Variants in JARID2 observed in about 807,000 individuals in gnomAD.
The protein encoded by JARID2 is protein Jumonji.
In JARID2, 21 loss-of-function variants were observed where a neutral mutation model predicts 125.6. That is an observed-to-expected ratio of 0.17 (90% confidence interval 0.12 to 0.24). The LOEUF is 0.24. Ranked by LOEUF, JARID2 falls within the 10% of genes least tolerant of loss-of-function variation. The probability of loss-of-function intolerance (pLI) is 1.00; values close to 1 mark genes in which losing one functional copy is unlikely to be tolerated. For synonymous variants in JARID2, 736 were observed against 661.6 expected (o/e 1.11, Z -1.73); for missense variants, 1,303 against 1,639.6 (o/e 0.79, Z 3.55).
At chr6:15,514,084 G>T (rs1239019946) in intron 16 of JARID2, among the ~76,000 whole-genome samples, 1 of 152,218 alleles carries the variant, frequency 6.6e-6, no homozygotes, top group Admixed American at 6.5e-5. Flanking sequence ...CAGCTTTGGG[G>T]TTAATACCAA....
intron 2 of JARID2, among the ~76,000 whole-genome samples, chr6:15,377,137 GA>G (rs1158599018): frequency 1.3e-5 from 2 of 152,172 alleles, no homozygotes; most frequent in Non-Finnish European, 2.9e-5. Context: ...AGTGGGAGTG[GA>G]AGCAGGGTGT....
At chr6:15,381,938 T>C (rs1764604805) in intron 2 of JARID2, among the ~76,000 whole-genome samples, 1 of 152,222 alleles carries the variant, frequency 6.6e-6, no homozygotes, top group Non-Finnish European at 1.5e-5. Flanking sequence ...GAAAAATAGA[T>C]GCAACTTAAA....
chr6:15,381,227 C>G (rs12665292), intron 2 of JARID2, among the ~76,000 whole-genome samples: 1 of 148,026 alleles, frequency 6.8e-6, no homozygotes. Flanking sequence ...GGCGTGGTGG[C>G]GGGTGCCTGT....
chr6:15,266,290 A>C (rs1476744373), intron 1 of JARID2, among the ~76,000 whole-genome samples: 1 of 152,206 alleles, frequency 6.6e-6, no homozygotes, highest in Non-Finnish European at 1.5e-5. Flanking sequence ...AGTATATTTT[A>C]ACTATTAGTT....
At chr6:15,461,741 CA>C (rs1041266471) in intron 4 of JARID2, among the ~76,000 whole-genome samples, 8 of 152,124 alleles carry the variant, frequency 5.3e-5, no homozygotes, top group Non-Finnish European at 1.0e-4. Context: ...TGTTTGGAGC[CA>C]TAAAAATGTT....
intron 6 of JARID2, among the ~76,000 whole-genome samples, chr6:15,492,457 G>A (rs904987292): frequency 2.0e-5 from 3 of 152,164 alleles, no homozygotes; most frequent in Non-Finnish European, 4.4e-5. Context: ...GTGGGTTGAG[G>A]GAGACCTTCG....
chr6:15,322,586 T>TA lies in JARID2; in HGVS notation c.46-51530dup, dbSNP rs1762395991. Among the ~76,000 whole-genome samples the TA allele has an allele frequency of 1.3e-5, 2 of 152,176 alleles. 1 individual carries two copies. The highest frequency in any genetic ancestry group is 4.1e-4 in the South Asian group (2 of 4,826). On this transcript the variant is annotated intron_variant, in intron 1 of 17. Transcript: ENST00000341776. ...GAGTTTTAATGACATGAGAAATGCT[T>TA]AGATTTCAGGGATTTGACTAAACCC... is the stretch of plus-strand genomic sequence containing the variant.
chr6:15,436,338 G>A (rs953257384), intron 3 of JARID2, among the ~76,000 whole-genome samples: 2 of 152,220 alleles, frequency 1.3e-5, no homozygotes, highest in African/African-American at 2.4e-5. Context: ...GAGGCGGGCT[G>A]CACGCTGGTC....
chr6:15,381,202 A>G (rs1764569854), intron 2 of JARID2, among the ~76,000 whole-genome samples: 1 of 151,276 alleles, frequency 6.6e-6, no homozygotes. Context: ...AAATACAAAA[A>G]AAAAAAATTA....
At chr6:15,346,922 G>A (rs1763262380) in intron 1 of JARID2, among the ~76,000 whole-genome samples, 1 of 151,940 alleles carries the variant, frequency 6.6e-6, no homozygotes, top group Non-Finnish European at 1.5e-5. Flanking sequence ...TTTTAGTAGA[G>A]ACAGGGTTTC....
chr6:15,440,292 A>AT (rs1266842643), intron 3 of JARID2, among the ~76,000 whole-genome samples: 1 of 152,214 alleles, frequency 6.6e-6, no homozygotes, highest in East Asian at 1.9e-4. Context: ...TCCTTGGCTG[A>AT]TAAAAACTGG....
chr6:15,312,298 C>T (rs1762041149), intron 1 of JARID2, among the ~76,000 whole-genome samples: 1 of 152,194 alleles, frequency 6.6e-6, no homozygotes, highest in Admixed American at 6.5e-5. Context: ...CGTGATCCAC[C>T]CGCCTCGGCC....
intron 9 of JARID2, among the ~76,000 whole-genome samples, chr6:15,505,877 C>T (rs1268692255): frequency 6.6e-6 from 1 of 152,254 alleles, no homozygotes; most frequent in Non-Finnish European, 1.5e-5. Flanking sequence ...GTAGAGATGT[C>T]AGGCGGAGGA....
intron 1 of JARID2, among the ~76,000 whole-genome samples, chr6:15,321,810 T>G (rs1762368376): frequency 2.2e-5 from 2 of 91,042 alleles, no homozygotes; most frequent in Admixed American, 1.2e-4. Flanking sequence ...TTTTTTTTTT[T>G]GAGATGGAGT....
intron 1 of JARID2, among the ~76,000 whole-genome samples, chr6:15,361,335 A>C (rs1372410134): frequency 2.6e-5 from 4 of 152,162 alleles, no homozygotes; most frequent in Non-Finnish European, 4.4e-5. Context: ...CACTGCAGTC[A>C]GTGCTCAAAG....
chr6:15,410,399 C>T (rs1474756746), intron 3 of JARID2, 34 bp downstream of exon 3: 1 of 1,600,302 alleles, frequency 6.2e-7, no homozygotes, highest in East Asian at 2.2e-5. Context: ...TTGGTACCTT[C>T]AACCAGGGAC....
In JARID2 at chr6:15,487,335, G is replaced by C. The variant is rs1160222215; in HGVS notation, c.699G>C (p.Arg233=). 1.2e-6 allele frequency: 2 copies of C among 1,614,028 alleles called. No homozygotes were observed. Among genetic ancestry groups the C allele is most frequent in the African/African-American group, 2.7e-5 (2 of 74,918 alleles). ...TCAATGGTTCCAGCAGGTCAACACG[G>C]GAGAAGGAACCTGTTCAAAAACACA... ...HVFNGSSRST[R]EKEPVQKHKS... The change falls in exon 6 of 18, where the codon CGG becomes CGC. Residue 233 remains arginine (R), a synonymous_variant. Transcript: ENST00000341776.
At chr6:15,486,378 A>G (rs1311109498) in intron 5 of JARID2, among the ~76,000 whole-genome samples, 1 of 152,224 alleles carries the variant, frequency 6.6e-6, no homozygotes, top group Admixed American at 6.5e-5. Flanking sequence ...CCTCATGGGT[A>G]GGAAGCACCA....
At chr6:15,463,483 G>A (rs182170899) in intron 4 of JARID2, among the ~76,000 whole-genome samples, 6 of 145,996 alleles carry the variant, frequency 4.1e-5, no homozygotes, top group Admixed American at 1.4e-4. Flanking sequence ...CAAGCTGGAG[G>A]GCAATGGCAC....
Sources: gnomAD v4.1 joint callset for allele counts (sites outside exome capture counted in the v4.1 genomes callset) on GRCh38, gnomAD v4.1.1 for gene constraint, MANE v1.5 for transcripts, NCBI Gene and HGNC (gene_info 2026-07-23, HGNC 2026-07-21) for gene names.